Variants in MEF2C observed in about 807,000 individuals in gnomAD.
MEF2C encodes myocyte enhancer factor 2C.
A neutral mutation model predicts 50.5 loss-of-function variants in MEF2C; 6 were observed. The observed-to-expected ratio is 0.12, with a 90% CI of 0.07 to 0.23. The LOEUF is 0.23. Among genes scored for constraint, MEF2C ranks in the 10% least tolerant of loss-of-function variants. The pLI is 1.00. For synonymous variants in MEF2C, 183 were observed against 228.0 expected (o/e 0.80, Z 1.78); for missense variants, 276 against 605.0 (o/e 0.46, Z 5.70).
chr5:88,800,370 G>A (rs188432344), intron 3 of MEF2C, among the ~76,000 whole-genome samples: 263 of 152,192 alleles, frequency 1.7e-3, no homozygotes, highest in Middle Eastern at 6.8e-3. Flanking sequence ...TTCCTTTGCC[G>A]TCCAATTGTT....
chr5:88,783,490 G>A lies in MEF2C; in HGVS notation c.258+21108C>T, dbSNP rs1789240562. ...CTAAAAATACAAAAAAAATTTAGCT[G>A]GGCGTGGTGGCACATGCCTGTAATC... On this transcript the variant is annotated intron_variant, in intron 3 of 10. Coordinates refer to ENST00000504921, the MANE Select transcript of MEF2C (RefSeq NM_002397.5). 2.0e-5 allele frequency among the ~76,000 whole-genome samples: 3 copies of A among 151,978 alleles called. 1 individual carries two copies. Among genetic ancestry groups the A allele is most frequent in the South Asian group, 4.2e-4 (2 of 4,810 alleles).
intron 1 of MEF2C, among the ~76,000 whole-genome samples, chr5:88,845,958 T>C (rs1011764221): frequency 1.3e-5 from 2 of 152,192 alleles, no homozygotes; most frequent in Non-Finnish European, 2.9e-5. Flanking sequence ...CATTGAATTT[T>C]CAGCCTATAT....
At chr5:88,795,885 C>G (rs975930358) in intron 3 of MEF2C, among the ~76,000 whole-genome samples, 1 of 152,152 alleles carries the variant, frequency 6.6e-6, no homozygotes, top group Admixed American at 6.5e-5. Context: ...TTTTCTGCAT[C>G]TATTGAGATA....
intron 6 of MEF2C, chr5:88,737,774 A>G: frequency 1.0e-6 from 1 of 985,404 alleles, no homozygotes; most frequent in Non-Finnish European, 1.2e-6. Flanking sequence ...AAGTTTTCCG[A>G]AGTTGAAAAA....
chr5:88,823,708 G>T (rs1417236567), intron 2 of MEF2C, 27 bp downstream of exon 2: 8 of 1,555,044 alleles, frequency 5.1e-6, no homozygotes, highest in Non-Finnish European at 1.8e-6. Flanking sequence ...AATAAATAAT[G>T]ATACAAAAAA....
At chr5:88,739,865 T>A (rs1581547185) in intron 6 of MEF2C, 2 of 985,206 alleles carry the variant, frequency 2.0e-6, no homozygotes, top group African/African-American at 3.5e-5. Flanking sequence ...AGGGGGCAAA[T>A]CAGATTTCTG....
intron 1 of MEF2C, among the ~76,000 whole-genome samples, chr5:88,868,272 C>G (rs962987762): frequency 3.3e-5 from 5 of 152,070 alleles, no homozygotes; most frequent in Non-Finnish European, 5.9e-5. Context: ...AAAAAGCCTA[C>G]CTTTTTAGAA....
At chr5:88,748,944 G>A (rs1581699644) in intron 6 of MEF2C, 126 bp downstream of exon 6, 1 of 1,517,118 alleles carries the variant, frequency 6.6e-7, no homozygotes, top group East Asian at 2.5e-5. Context: ...AAAATTCTTG[G>A]TGTCATTTTT....
At chr5:88,743,886 A>G (rs1768062402) in intron 6 of MEF2C, 1 of 935,762 alleles carries the variant, frequency 1.1e-6, no homozygotes, top group South Asian at 4.9e-5. Flanking sequence ...TTATAAAATT[A>G]TATCTAATTT....
rs1282449699 is a variant in MEF2C at position 88,730,223 on chromosome 5, G to A, written c.822C>T (p.Val274=). 1.0e-5 allele frequency: 16 copies of A among 1,581,124 alleles called. No homozygotes were observed. Among genetic ancestry groups the A allele is most frequent in the Admixed American group, 5.4e-5 (3 of 55,428 alleles). The change falls in exon 8 of 11, where the codon GTC becomes GTT. Residue 274 remains valine (V), a synonymous_variant. Coordinates refer to ENST00000504921, the MANE Select transcript of MEF2C (RefSeq NM_002397.5). ...KNTMPSVSED[V]DLLLNQRINN... Reference sequence around the variant, plus strand: ...TCTCACCACTTACCAAAAGCAGGTCGACATCCTCAGACTGAGAGCATGCGG... The same window carrying A: ...TCTCACCACTTACCAAAAGCAGGTCAACATCCTCAGACTGAGAGCATGCGG...
exon 1 of MEF2C, chr5:88,903,954 G>C (rs960900812): frequency 1.3e-5 from 2 of 152,026 alleles, no homozygotes; most frequent in Non-Finnish European, 2.9e-5. Flanking sequence ...GTACCCGTCA[G>C]CACCTGCTGA....
intron 3 of MEF2C, among the ~76,000 whole-genome samples, chr5:88,799,253 T>C (rs948208770): frequency 1.6e-4 from 24 of 152,306 alleles, no homozygotes; most frequent in Admixed American, 7.8e-4. Context: ...CAGCTGCCCC[T>C]TCCCCTAGGT....
intron 1 of MEF2C, among the ~76,000 whole-genome samples, chr5:88,865,257 C>A (rs1301386640): frequency 6.6e-6 from 1 of 152,130 alleles, no homozygotes; most frequent in Admixed American, 6.6e-5. Flanking sequence ...CTTATCTAAG[C>A]TAACTGTTCA....
chr5:88,742,071 G>A (rs956803902), intron 6 of MEF2C: 1 of 985,272 alleles, frequency 1.0e-6, no homozygotes, highest in Admixed American at 6.2e-5. Context: ...GCAAAGGTTT[G>A]TCTAAAAACA....
intron 6 of MEF2C, chr5:88,732,616 G>C (rs1411881459): frequency 6.6e-6 from 1 of 152,202 alleles, no homozygotes; most frequent in Admixed American, 6.5e-5. Context: ...TGAACTGGAA[G>C]ACTGAAAGGG....
chr5:88,821,103 G>A (rs1459672067), intron 2 of MEF2C, among the ~76,000 whole-genome samples: 1 of 151,890 alleles, frequency 6.6e-6, no homozygotes, highest in Non-Finnish European at 1.5e-5. Context: ...TTAAAAAAAT[G>A]ATAAGTCAAA....
chr5:88,864,057 G>A (rs898759236), intron 1 of MEF2C, among the ~76,000 whole-genome samples: 2 of 151,580 alleles, frequency 1.3e-5, no homozygotes, highest in African/African-American at 4.8e-5. Flanking sequence ...CCTGACCTCA[G>A]GTGATCTTCC....
chr5:88,869,288 T>TATAC (rs1828639108), intron 1 of MEF2C, among the ~76,000 whole-genome samples: 1 of 71,330 alleles, frequency 1.4e-5, no homozygotes, highest in African/African-American at 7.2e-5. Context: ...CATATATATA[T>TATAC]ATATATACAC....
chr5:88,843,402 A>G (rs1407108357), intron 1 of MEF2C: 1 of 985,208 alleles, frequency 1.0e-6, no homozygotes, highest in African/African-American at 1.7e-5. Context: ...ATTAAGCTAA[A>G]AAAATCAATC....
Sources: gnomAD v4.1 joint callset for allele counts (sites outside exome capture counted in the v4.1 genomes callset) on GRCh38, gnomAD v4.1.1 for gene constraint, MANE v1.5 for transcripts, NCBI Gene and HGNC (gene_info 2026-07-23, HGNC 2026-07-21) for gene names.